CDNF: variants seen among roughly 807,000 people sequenced by gnomAD.
CDNF encodes the protein ARMET-like protein 1.
A neutral mutation model predicts 14.8 loss-of-function variants in CDNF; 9 were observed. That is an observed-to-expected ratio of 0.61 (90% CI 0.37 to 1.06). The LOEUF (loss-of-function observed/expected upper bound fraction) is 1.06. CDNF is among the 50% of genes least tolerant of loss of function. The pLI, the probability that CDNF is intolerant of heterozygous loss-of-function variation, is 0.01. For missense variants in CDNF, 228 were observed against 228.4 expected, an observed-to-expected ratio of 1.00 and a Z score of 0.01; for synonymous variants, 86 against 87.2, an observed-to-expected ratio of 0.99 and a Z score of 0.07.
At chr10:14,830,675 G>A (rs970167169) in intron 1 of CDNF, among the ~76,000 whole-genome samples, 4 of 152,048 alleles carry the variant, frequency 2.6e-5, no homozygotes, top group African/African-American at 4.8e-5. Context: ...ATGAAACCCC[G>A]TCTCTACTAA....
At chr10:14,820,983 T>C (rs975518488) in intron 3 of CDNF, among the ~76,000 whole-genome samples, 2 of 152,152 alleles carry the variant, frequency 1.3e-5, no homozygotes, top group Admixed American at 1.3e-4. Flanking sequence ...TGCAGTCACG[T>C]AAGACATGCC....
chr10:14,826,944 A>G (rs1040160963), intron 2 of CDNF, among the ~76,000 whole-genome samples: 1 of 149,146 alleles, frequency 6.7e-6, no homozygotes, highest in African/African-American at 2.5e-5. Context: ...GGCTGGGCAC[A>G]GTGGCTCACA....
rs1833758791 is a variant in CDNF at position 14,823,942 on chromosome 10, GC to G, written c.385+1536del. Among the ~76,000 whole-genome samples the G allele has an allele frequency of 2.0e-5, 3 of 152,224 alleles. No homozygotes were observed. In the South Asian group the frequency reaches 6.2e-4, roughly 31 times the overall value. Reference sequence around the variant, plus strand: ...AACTACCCTGGAAGTTAGGGCTTGTGCTTTGCAAGTTAAGAAATAGGTTGTC... The same window carrying G: ...AACTACCCTGGAAGTTAGGGCTTGTGTTTGCAAGTTAAGAAATAGGTTGTC... On this transcript the variant is annotated intron_variant, in intron 3 of 3. Coordinates refer to ENST00000465530, the MANE Select transcript of CDNF (RefSeq NM_001029954.3).
chr10:14,825,380 C>T, intron 3 of CDNF, 99 bp downstream of exon 3: 1 of 1,234,138 alleles, frequency 8.1e-7, no homozygotes. Context: ...TGGTGAATTT[C>T]TTTCCTTTTA....
intron 2 of CDNF, among the ~76,000 whole-genome samples, chr10:14,826,508 AGCAGC>A (rs1357095825): frequency 1.6e-4 from 25 of 152,034 alleles, no homozygotes; most frequent in East Asian, 3.9e-4. Context: ...AAGAAAAAGA[AGCAGC>A]AGAAGCAGCA....
chr10:14,826,915 A>T (rs2131624602), intron 2 of CDNF, among the ~76,000 whole-genome samples: 1 of 152,120 alleles, frequency 6.6e-6, no homozygotes, highest in East Asian at 1.9e-4. Flanking sequence ...AAAATTTTAC[A>T]TTTAAAAATA....
At position 14,825,747 on chromosome 10, in the gene CDNF, C is replaced by T. The variant is rs1833774154; in HGVS notation, c.244-127G>A. The T allele has an allele frequency of 8.0e-6, 8 of 1,004,380 alleles. No individual in the cohort carries two copies. In the Admixed American group the frequency reaches 1.3e-4, roughly 16 times the overall value. 62.2% of individuals were successfully genotyped at this position (1,004,380 alleles called of 1,614,324 possible). On this transcript the variant is annotated intron_variant, in intron 2 of 3. Transcript: ENST00000465530. ...GACATGGTGGCTCACGCCTGTAATC[C>T]CAGCACTTTGGGAGGTTGAGGAGGG...
chr10:14,825,374 G>A (rs2131622810), intron 3 of CDNF, 105 bp downstream of exon 3: 1 of 1,165,110 alleles, frequency 8.6e-7, no homozygotes, highest in Non-Finnish European at 1.2e-6. Context: ...GATGAGTGGT[G>A]AATTTCTTTC....
chr10:14,832,802 A>G (rs938188961), intron 1 of CDNF, among the ~76,000 whole-genome samples: 6 of 151,006 alleles, frequency 4.0e-5, no homozygotes, highest in Non-Finnish European at 8.8e-5. Flanking sequence ...GGAAGACTGC[A>G]GGAGAAGCAG....
At chr10:14,824,034 A>T (rs908348144) in intron 3 of CDNF, among the ~76,000 whole-genome samples, 1 of 152,242 alleles carries the variant, frequency 6.6e-6, no homozygotes, top group Non-Finnish European at 1.5e-5. Context: ...TAGGACTATT[A>T]CACGGCTGTG....
Position 14,832,654 on chromosome 10 carries a change from T to C in CDNF, c.116-4382A>G, listed in dbSNP as rs191301745. Among the ~76,000 whole-genome samples, 6 of 152,218 alleles carry C rather than the reference T, an allele frequency of 3.9e-5. No individual in the cohort carries two copies. The East Asian group carries it at 9.7e-4, about 25-fold the overall frequency. ...GAAGTGGTTACACTCTGGACCTATC[T>C]TGAAGGAAGAGCCAAAAGAATTTAC... On this transcript the variant is annotated intron_variant, in intron 1 of 3. Transcript: ENST00000465530.
chr10:14,828,759 A>C (rs1184259871), intron 1 of CDNF, among the ~76,000 whole-genome samples: 1 of 152,092 alleles, frequency 6.6e-6, no homozygotes, highest in Non-Finnish European at 1.5e-5. Flanking sequence ...TAATCCCAGC[A>C]CTTTGGGAGG....
At position 14,835,099 on chromosome 10, in the gene CDNF, A is replaced by C. The variant is rs546826955; in HGVS notation, c.115+2733T>G. Among the ~76,000 whole-genome samples, 10 of 152,316 alleles carry C rather than the reference A, an allele frequency of 6.6e-5. No individual in the cohort carries two copies. In the East Asian group the frequency reaches 1.9e-3, roughly 29 times the overall value. ...ACAGGTTTAGGGGAGTGAGAAGGGA[A>C]GGAGATGATGACTTTGGTTTTTTGA... On this transcript the variant is annotated intron_variant, in intron 1 of 3. Transcript: ENST00000465530.
chr10:14,826,974 G>A (rs190470766), intron 2 of CDNF, among the ~76,000 whole-genome samples: 17 of 151,254 alleles, frequency 1.1e-4, no homozygotes, highest in Non-Finnish European at 1.8e-4. Flanking sequence ...CCAGCACTTT[G>A]GGAGGCCAAG....
Position 14,826,019 on chromosome 10 carries a change from G to GC in CDNF, c.244-400_244-399insG, listed in dbSNP as rs1564313224. ...AGCAGCAGAAGAAGCAGAAGCAGAA[G>GC]AAGAAGAAGGAGAAGAAGAAGAAGA... is the stretch of plus-strand genomic sequence containing the variant. On this transcript the variant is annotated intron_variant, in intron 2 of 3. Coordinates refer to ENST00000465530, the MANE Select transcript of CDNF (RefSeq NM_001029954.3). Among the ~76,000 whole-genome samples the GC allele has an allele frequency of 6.8e-4, 86 of 127,042 alleles. 1 individual carries two copies. The highest frequency in any genetic ancestry group is 2.1e-3 in the African/African-American group (58 of 27,508). The allele number at this position is 127,042 out of a possible 152,430, so 83.3% of individuals were successfully genotyped here. A position where few individuals can be genotyped will look rare whatever the true frequency, so the allele number is the denominator to read the frequency against.
chr10:14,819,824 A>G lies in CDNF; in HGVS notation c.*156T>C. 1 of 725,936 alleles carries G rather than the reference A, an allele frequency of 1.4e-6. No individual in the cohort carries two copies. Among genetic ancestry groups the G allele is most frequent in the Middle Eastern group, 4.1e-4 (1 of 2,434 alleles). The allele number at this position is 725,936 out of a possible 1,614,324, so 45.0% of individuals were successfully genotyped here. ...GTTATCAGTAGTATTAGTTTCACTC[A>G]TAAACCCACGTAACAAAATTCTGAG... On this transcript the variant is annotated 3_prime_UTR_variant, in exon 4 of 4. Coordinates refer to ENST00000465530, the MANE Select transcript of CDNF (RefSeq NM_001029954.3).
At chr10:14,836,218 G>C (rs916081597) in intron 1 of CDNF, 7 of 152,316 alleles carry the variant, frequency 4.6e-5, no homozygotes, top group Admixed American at 4.6e-4. Flanking sequence ...AGCAGTAATA[G>C]AGCTGGATGC....
At chr10:14,823,719 G>T (rs1170819568) in intron 3 of CDNF, among the ~76,000 whole-genome samples, 1 of 152,118 alleles carries the variant, frequency 6.6e-6, no homozygotes, top group Non-Finnish European at 1.5e-5. Context: ...TAGAGACAGG[G>T]TTTCACCATG....
At position 14,820,305 on chromosome 10, in the gene CDNF, C is replaced by T. The variant is rs1833727239; in HGVS notation, c.386-147G>A. On this transcript the variant is annotated intron_variant, in intron 3 of 3. Transcript: ENST00000465530. ...GGAAGAATTCCAGTTTCCATGGAAA[C>T]CAAGACACACCCAAGGAAAATGTGG... 3.2e-5 allele frequency: 25 copies of T among 780,646 alleles called. No individual in the cohort carries two copies. In the South Asian group the frequency reaches 4.6e-4, roughly 14 times the overall value. The allele number at this position is 780,646 out of a possible 1,614,324, so 48.4% of individuals were successfully genotyped here.
Sources: gnomAD v4.1 joint callset for allele counts (sites outside exome capture counted in the v4.1 genomes callset) on GRCh38, gnomAD v4.1.1 for gene constraint, MANE v1.5 for transcripts, NCBI Gene and HGNC (gene_info 2026-07-23, HGNC 2026-07-21) for gene names.